Variants in GPC5 observed in about 807,000 individuals in gnomAD.
GPC5 encodes the protein glypican 5, also known as glypican-5.
Under a neutral mutation model 53.9 loss-of-function variants are expected in GPC5, and 47 were observed. The observed-to-expected ratio is 0.87, with a 90% CI of 0.69 to 1.11. The LOEUF (loss-of-function observed/expected upper bound fraction) is 1.11. Ranked by LOEUF, GPC5 falls within the 50% of genes most tolerant of loss-of-function variation. The pLI is 0.00. For synonymous variants in GPC5, 286 were observed against 263.3 expected (o/e 1.09, Z -0.84); for missense variants, 748 against 713.1 (o/e 1.05, Z -0.56).
chr13:91,842,686 C>T (rs1470560877), intron 5 of GPC5, among the ~76,000 whole-genome samples: 2 of 108,604 alleles, frequency 1.8e-5, no homozygotes, highest in East Asian at 5.9e-4. Context: ...ACCTGGGAGA[C>T]ACAGCGAGAC....
chr13:91,693,930 T>C (rs2035823609), intron 3 of GPC5, 49 bp downstream of exon 3: 4 of 1,351,784 alleles, frequency 3.0e-6, no homozygotes, highest in African/African-American at 1.4e-5. Flanking sequence ...AATTCAAATA[T>C]TAGCCATGAT....
intron 7 of GPC5, among the ~76,000 whole-genome samples, chr13:92,430,883 T>G (rs1026482189): frequency 5.3e-5 from 8 of 152,032 alleles, no homozygotes; most frequent in Non-Finnish European, 1.2e-4. Context: ...TTACATTTGT[T>G]TTTTCAATGA....
At chr13:92,481,948 G>A (rs1879373064) in intron 7 of GPC5, among the ~76,000 whole-genome samples, 1 of 151,964 alleles carries the variant, frequency 6.6e-6, no homozygotes, top group African/African-American at 2.4e-5. Context: ...GGCCAATATG[G>A]GGAAACCGCA....
At chr13:92,786,706 C>T (rs1302266052) in intron 7 of GPC5, among the ~76,000 whole-genome samples, 3 of 152,116 alleles carry the variant, frequency 2.0e-5, no homozygotes, top group Non-Finnish European at 4.4e-5. Context: ...AATGTAGCCA[C>T]GTTCAAGGAC....
intron 5 of GPC5, among the ~76,000 whole-genome samples, chr13:91,892,076 T>G (rs1429348472): frequency 6.6e-6 from 1 of 151,968 alleles, no homozygotes; most frequent in Non-Finnish European, 1.5e-5. Context: ...TTTCACATAA[T>G]CTTTAGAATA....
intron 7 of GPC5, among the ~76,000 whole-genome samples, chr13:92,485,629 T>G (rs1879523632): frequency 6.6e-6 from 1 of 152,228 alleles, no homozygotes; most frequent in African/African-American, 2.4e-5. Context: ...TAGATGGTCA[T>G]TCCACTTTGG....
At chr13:92,157,668 T>G (rs1261621353) in intron 7 of GPC5, among the ~76,000 whole-genome samples, 1 of 152,188 alleles carries the variant, frequency 6.6e-6, no homozygotes, top group Non-Finnish European at 1.5e-5. Flanking sequence ...TAAAATTTAG[T>G]CAACATAAAG....
intron 7 of GPC5, among the ~76,000 whole-genome samples, chr13:92,392,790 TATA>T (rs1566571398): frequency 6.6e-6 from 1 of 152,024 alleles, no homozygotes; most frequent in Non-Finnish European, 1.5e-5. Flanking sequence ...AACAAGCATA[TATA>T]AAAAAAGCTC....
chr13:92,515,207 C>T (rs971087094), intron 7 of GPC5, among the ~76,000 whole-genome samples: 2 of 152,112 alleles, frequency 1.3e-5, no homozygotes, highest in African/African-American at 2.4e-5. Context: ...TCAGGCACCA[C>T]TAAGCTTAGT....
Position 92,263,871 on chromosome 13 carries a change from T to C in GPC5, c.1561+118882T>C, listed in dbSNP as rs1009879253. 1.2e-4 allele frequency among the ~76,000 whole-genome samples: 19 copies of C among 152,230 alleles called. No homozygotes were observed. In the East Asian group the frequency reaches 3.7e-3, roughly 29 times the overall value. ...GTTTTTCCCTGGAAATGGAAAATCA[T>C]TCATTGGTGGGAGCAGTATTAGGAA... On this transcript the variant is annotated intron_variant, in intron 7 of 7. Coordinates refer to ENST00000377067, the MANE Select transcript of GPC5 (RefSeq NM_004466.6).
chr13:92,690,823 G>GGA (rs1240208153), intron 7 of GPC5, among the ~76,000 whole-genome samples: 8 of 66,698 alleles, frequency 1.2e-4, no homozygotes, highest in African/African-American at 4.2e-4. Context: ...GGAATACCCT[G>GGA]CCGTGTGAGG....
chr13:91,885,553 G>A (rs1003892881), intron 5 of GPC5, among the ~76,000 whole-genome samples: 4 of 152,086 alleles, frequency 2.6e-5, no homozygotes, highest in Admixed American at 6.5e-5. Flanking sequence ...AACCATTCTC[G>A]AGGTGAAAAC....
chr13:91,700,317 G>A (rs528632815), intron 3 of GPC5, among the ~76,000 whole-genome samples: 7 of 152,226 alleles, frequency 4.6e-5, no homozygotes, highest in Non-Finnish European at 8.8e-5. Context: ...ATAGAACTTT[G>A]AAAGTGTTGC....
chr13:91,863,427 A>G (rs1309735785), intron 5 of GPC5, among the ~76,000 whole-genome samples: 1 of 152,018 alleles, frequency 6.6e-6, no homozygotes, highest in Non-Finnish European at 1.5e-5. Context: ...AGATAGTTTT[A>G]TTCCTTACTA....
At chr13:91,873,016 C>T (rs1282824869) in intron 5 of GPC5, among the ~76,000 whole-genome samples, 1 of 152,072 alleles carries the variant, frequency 6.6e-6, no homozygotes, top group Non-Finnish European at 1.5e-5. Flanking sequence ...CTTTCTTACA[C>T]CAAAAGTGAA....
intron 7 of GPC5, among the ~76,000 whole-genome samples, chr13:92,459,807 T>C (rs1878410526): frequency 1.3e-5 from 2 of 152,194 alleles, no homozygotes; most frequent in African/African-American, 2.4e-5. Context: ...TTTTCACTTT[T>C]TTTCAGCTTG....
At chr13:92,344,083 T>TTTCC (rs1555329274) in intron 7 of GPC5, among the ~76,000 whole-genome samples, 43,236 of 151,744 alleles carry the variant, frequency 0.28, 6,321 homozygotes, top group South Asian at 0.4. Flanking sequence ...CCTTCTAAGG[T>TTTCC]TTCTAGAAAT....
intron 2 of GPC5, among the ~76,000 whole-genome samples, chr13:91,487,744 A>G (rs989215663): frequency 6.6e-6 from 1 of 152,144 alleles, no homozygotes; most frequent in Non-Finnish European, 1.5e-5. Context: ...CTTCTCCTTT[A>G]TAGATCAGAT....
intron 1 of GPC5, among the ~76,000 whole-genome samples, chr13:91,447,247 C>A (rs1400063329): frequency 3.3e-5 from 5 of 151,598 alleles, no homozygotes; most frequent in Non-Finnish European, 5.9e-5. Flanking sequence ...TTCGTTAGTT[C>A]TTTTCCTCAA....
Sources: allele counts gnomAD v4.1 joint callset (sites outside exome capture counted in the v4.1 genomes callset), GRCh38; gene constraint gnomAD v4.1.1; transcripts MANE v1.5; gene names NCBI Gene and HGNC (gene_info 2026-07-23, HGNC 2026-07-21).